The following CCDC178 variants were observed in gnomAD, a reference collection of about 807,000 sequenced individuals.
CCDC178 encodes the protein coiled-coil domain containing 178, also known as coiled-coil domain-containing protein 178.
A neutral mutation model predicts 117.4 loss-of-function variants in CCDC178; 126 were observed. The ratio of observed to expected loss-of-function variants is 1.07; its 90% CI spans 0.93 to 1.24. The LOEUF is 1.24. Among genes scored for constraint, CCDC178 ranks in the 50% most tolerant of loss-of-function variants. CCDC178 has a pLI of 0.00. For synonymous variants in CCDC178, 283 were observed against 313.4 expected (o/e 0.90, Z 1.02); for missense variants, 1,030 against 986.9 (o/e 1.04, Z -0.59).
intron 20 of CCDC178, among the ~76,000 whole-genome samples, chr18:33,115,768 A>C (rs949299564): frequency 2.0e-5 from 3 of 152,064 alleles, no homozygotes; most frequent in Admixed American, 6.6e-5. Flanking sequence ...GCTCCTGCAC[A>C]TTCTGAGTCC....
At chr18:33,319,848 T>C (rs1168758213) in intron 11 of CCDC178, among the ~76,000 whole-genome samples, 1 of 152,220 alleles carries the variant, frequency 6.6e-6, no homozygotes, top group African/African-American at 2.4e-5. Context: ...TTTTGAGAAG[T>C]GTCTGTTCAT....
intron 21 of CCDC178, among the ~76,000 whole-genome samples, chr18:32,987,416 T>C (rs2144731211): frequency 6.6e-6 from 1 of 152,142 alleles, no homozygotes; most frequent in South Asian, 2.1e-4. Context: ...TATATATATA[T>C]CTAGGTCTAT....
chr18:33,193,045 G>T (rs1423432757), intron 20 of CCDC178, among the ~76,000 whole-genome samples: 1 of 151,376 alleles, frequency 6.6e-6, no homozygotes, highest in African/African-American at 2.4e-5. Flanking sequence ...GGATCACGAG[G>T]TCAGGAGATT....
chr18:33,293,349 A>G, intron 11 of CCDC178, 37 bp from the exon 12 acceptor site: 2 of 1,287,852 alleles, frequency 1.6e-6, no homozygotes, highest in Non-Finnish European at 2.2e-6. Context: ...ATTCACATTA[A>G]AAGAAAAAAT....
At chr18:33,003,923 T>TCCCTTGCATCTA in intron 21 of CCDC178, among the ~76,000 whole-genome samples, 1 of 151,972 alleles carries the variant, frequency 6.6e-6, no homozygotes, top group Non-Finnish European at 1.5e-5. Context: ...AGTAATCCCA[T>TCCCTTGCATCTA]TTGCAATAGA....
At chr18:33,295,107 A>G (rs1194732462) in intron 11 of CCDC178, among the ~76,000 whole-genome samples, 1 of 152,198 alleles carries the variant, frequency 6.6e-6, no homozygotes, top group Non-Finnish European at 1.5e-5. Flanking sequence ...ATATTGGCAG[A>G]GGGATAGCCA....
chr18:33,021,975 G>C (rs1225631996), intron 21 of CCDC178, among the ~76,000 whole-genome samples: 1 of 151,986 alleles, frequency 6.6e-6, no homozygotes, highest in Non-Finnish European at 1.5e-5. Flanking sequence ...AAAGCAATAG[G>C]TATATAATTT....
At chr18:33,258,718 T>A (rs1193585236) in intron 14 of CCDC178, among the ~76,000 whole-genome samples, 1 of 152,182 alleles carries the variant, frequency 6.6e-6, no homozygotes, top group Non-Finnish European at 1.5e-5. Context: ...TTTAAGTCTG[T>A]TTTCTTTAAA....
At chr18:32,958,843 T>C (rs2054646672) in intron 22 of CCDC178, among the ~76,000 whole-genome samples, 1 of 152,158 alleles carries the variant, frequency 6.6e-6, no homozygotes, top group South Asian at 2.1e-4. Context: ...CAAACTGAAG[T>C]GACCACAGGC....
chr18:33,005,889 T>G (rs1433015033), intron 21 of CCDC178, among the ~76,000 whole-genome samples: 1 of 152,064 alleles, frequency 6.6e-6, no homozygotes, highest in Non-Finnish European at 1.5e-5. Context: ...AAGCATAATA[T>G]CAAATGTAAA....
At chr18:33,384,758 C>T (rs1377564831) in intron 5 of CCDC178, among the ~76,000 whole-genome samples, 5 of 152,162 alleles carry the variant, frequency 3.3e-5, no homozygotes, top group African/African-American at 1.2e-4. Context: ...ACTACGAAAA[C>T]ACACTGAAGT....
At chr18:33,382,307 A>G (rs1275027657) in intron 5 of CCDC178, among the ~76,000 whole-genome samples, 1 of 152,164 alleles carries the variant, frequency 6.6e-6, no homozygotes, top group Admixed American at 6.5e-5. Flanking sequence ...TGTTAGAAAC[A>G]CTTTCAGAGA....
chr18:33,189,331 T>G (rs1358816165), intron 20 of CCDC178, among the ~76,000 whole-genome samples: 1 of 145,628 alleles, frequency 6.9e-6, no homozygotes, highest in Non-Finnish European at 1.5e-5. Context: ...TAAAGTTATA[T>G]GTGAACGATG....
At position 33,434,511 on chromosome 18, in the gene CCDC178, T is replaced by C. The variant is rs76718186; in HGVS notation, c.-23+5451A>G. On this transcript the variant is annotated intron_variant, in intron 2 of 22. Coordinates refer to ENST00000383096, the MANE Select transcript of CCDC178 (RefSeq NM_001105528.4). The stretch of plus-strand genomic sequence containing the variant: ...AATGCTGTCATACTGATGCAAAATT[T>C]GCTATCATACCACAGTCAGTCCCCA... Among the ~76,000 whole-genome samples, 814 of 152,256 alleles carry C rather than the reference T, an allele frequency of 5.3e-3. 6 individuals carry two copies. Among genetic ancestry groups the C allele is most frequent in the African/African-American group, 0.019 (794 of 41,566 alleles).
intron 2 of CCDC178, among the ~76,000 whole-genome samples, chr18:33,438,034 A>G (rs375769006): frequency 2.0e-5 from 3 of 152,230 alleles, no homozygotes; most frequent in African/African-American, 7.2e-5. Flanking sequence ...GACTGAAAAT[A>G]TAAAGGGACT....
At chr18:33,038,202 C>T (rs1819236557) in intron 21 of CCDC178, among the ~76,000 whole-genome samples, 1 of 151,826 alleles carries the variant, frequency 6.6e-6, no homozygotes, top group African/African-American at 2.4e-5. Context: ...GGAAAGTCAA[C>T]ATGGTTAAAT....
At chr18:33,027,394 GTAAC>G (rs1401054573) in intron 21 of CCDC178, among the ~76,000 whole-genome samples, 1 of 151,548 alleles carries the variant, frequency 6.6e-6, no homozygotes, top group Non-Finnish European at 1.5e-5. Context: ...TACAATAAAT[GTAAC>G]TAGAAACAGC....
chr18:32,999,475 A>G (rs369879905), intron 21 of CCDC178, among the ~76,000 whole-genome samples: 2 of 152,138 alleles, frequency 1.3e-5, no homozygotes, highest in South Asian at 2.1e-4. Context: ...CTAGAGCCCT[A>G]TGGCTTTGAG....
At chr18:32,947,367 A>C (rs2054380331) in intron 22 of CCDC178, among the ~76,000 whole-genome samples, 2 of 152,190 alleles carry the variant, frequency 1.3e-5, no homozygotes. Context: ...CCAACTTTTA[A>C]TATGATCAGT....
Sources: gnomAD v4.1 joint callset for allele counts (sites outside exome capture counted in the v4.1 genomes callset) on GRCh38, gnomAD v4.1.1 for gene constraint, MANE v1.5 for transcripts, NCBI Gene and HGNC (gene_info 2026-07-23, HGNC 2026-07-21) for gene names.